The following ASAH1 variants were observed in gnomAD, a reference collection of about 807,000 sequenced individuals.
The protein encoded by ASAH1 is acid ceramidase.
Under a neutral mutation model 59.5 loss-of-function variants are expected in ASAH1, and 70 were observed. The ratio of observed to expected loss-of-function variants is 1.18; its 90% confidence interval spans 0.97 to 1.43. ASAH1 has a LOEUF of 1.43. Among genes scored for constraint, ASAH1 ranks in the 40% most tolerant of loss-of-function variants. The pLI is 0.00. For missense variants in ASAH1, 660 were observed against 482.5 expected (o/e 1.37, Z -3.45); for synonymous variants, 213 against 166.5 (o/e 1.28, Z -2.15).
intron 1 of ASAH1, among the ~76,000 whole-genome samples, chr8:18,083,605 A>C (rs148845238): frequency 1.2e-3 from 188 of 152,360 alleles, no homozygotes; most frequent in African/African-American, 4.2e-3. Context: ...ACCATCAGGC[A>C]GTCTGTCCTT....
chr8:18,057,868 G>T (rs781454461), intron 13 of ASAH1: 40 of 178,460 alleles, frequency 2.2e-4, no homozygotes, highest in Non-Finnish European at 3.9e-4. Flanking sequence ...CACTGTTTCA[G>T]GTAATGAATA....
intron 8 of ASAH1, 73 bp from the exon 9 acceptor site, chr8:18,061,813 T>A: frequency 7.3e-7 from 1 of 1,369,912 alleles, no homozygotes; most frequent in Non-Finnish European, 1.0e-6. Context: ...TCACTGTACT[T>A]CAGAGTGGGA....
chr8:18,084,138 C>G, upstream of ASAH1: 1 of 1,575,084 alleles, frequency 6.3e-7, no homozygotes, highest in Non-Finnish European at 8.6e-7. Flanking sequence ...GGCCACGCCC[C>G]CTCCGCCGCG....
intron 1 of ASAH1, 88 bp downstream of exon 1, chr8:18,083,893 T>C (rs975724110): frequency 7.0e-5 from 108 of 1,538,008 alleles, no homozygotes; most frequent in Non-Finnish European, 9.1e-5. Flanking sequence ...GAGGTGTTCC[T>C]TGTACCCGCT....
intron 2 of ASAH1, among the ~76,000 whole-genome samples, chr8:18,074,690 A>G (rs1045661518): frequency 1.3e-5 from 2 of 152,164 alleles, no homozygotes; most frequent in Non-Finnish European, 2.9e-5. Flanking sequence ...CCATTTAAAC[A>G]CTGAGGATTT....
In ASAH1 at chr8:18,057,398, C is replaced by A. The variant is rs116919200; in HGVS notation, c.*136G>T. 3 of 593,452 alleles carry A rather than the reference C, an allele frequency of 5.1e-6. No homozygotes were observed. Among genetic ancestry groups the A allele is most frequent in the Non-Finnish European group, 9.4e-6 (3 of 320,812 alleles). 36.8% of individuals were successfully genotyped at this position (593,452 alleles called of 1,614,324 possible). A position where few individuals can be genotyped will look rare whatever the true frequency, so the allele number is the denominator to read the frequency against. On this transcript the variant is annotated 3_prime_UTR_variant, in exon 14 of 14. Coordinates refer to ENST00000637790, the MANE Select transcript of ASAH1 (RefSeq NM_177924.5). ...GATCTGTCATTTGTCAACAGATGGA[C>A]GAAGACAAGCTATTGACTCAAAGAG...
At chr8:18,082,601 A>G (rs922133502) in intron 1 of ASAH1, 3 of 152,168 alleles carry the variant, frequency 2.0e-5, no homozygotes. Context: ...CTCAGTCAGA[A>G]TTGCCCCACC....
chr8:18,062,718 CATAAA>C (rs373807160), intron 7 of ASAH1: 1 of 435,286 alleles, frequency 2.3e-6, no homozygotes, highest in Admixed American at 3.6e-5. Context: ...AAGATGGACA[CATAAA>C]ATAGAAGAGC....
chr8:18,076,584 G>C lies in ASAH1; in HGVS notation c.79-997C>G, dbSNP rs1250784174. ...TCCTTTCCTCTGGAGAACCAGTTCT[G>C]TGAAAGTAAAATAATTGTTTTAAAA... On this transcript the variant is annotated intron_variant, in intron 1 of 13. Transcript: ENST00000637790. 2.0e-5 allele frequency: 3 copies of C among 152,194 alleles called. No individual in the cohort carries two copies. The East Asian group carries it at 5.8e-4, about 29-fold the overall frequency. 9.4% of individuals were successfully genotyped at this position (152,194 alleles called of 1,614,324 possible).
intron 2 of ASAH1, 45 bp from the exon 3 acceptor site, chr8:18,071,435 T>G: frequency 8.1e-7 from 1 of 1,231,696 alleles, no homozygotes; most frequent in East Asian, 2.4e-5. Context: ...AAGGGTTTTT[T>G]GTGAGGGTCA....
At chr8:18,064,206 G>A (rs1799832575) in intron 6 of ASAH1, 1 of 580,960 alleles carries the variant, frequency 1.7e-6, no homozygotes, top group South Asian at 2.3e-5. Flanking sequence ...AGAGAAGAAT[G>A]TTTCTAGCCC....
intron 9 of ASAH1, 43 bp from the exon 10 acceptor site, chr8:18,061,501 A>G: frequency 6.5e-7 from 1 of 1,545,170 alleles, no homozygotes; most frequent in Non-Finnish European, 9.0e-7. Context: ...AAGAGGTGAC[A>G]CTATGTAACC....
At chr8:18,064,398 A>C in intron 6 of ASAH1, 59 bp downstream of exon 6, 2 of 1,288,268 alleles carry the variant, frequency 1.6e-6, no homozygotes, top group Non-Finnish European at 2.2e-6. Flanking sequence ...AATTTCATTT[A>C]GAAGATTTTT....
In ASAH1 at chr8:18,084,004, C is replaced by T. The variant is rs1800778729; in HGVS notation, c.55G>A (p.Ala19Thr). ...ACCGGCGGCGCGTGCTGCGCGACGG[C>T]ACAGCTGACGGCGGCAGCCAGGAGG... ...LVLLAAAVSC[A>T]VAQHAPPWTE... Residue 19 changes from alanine to threonine, a missense_variant, in exon 1 of 14, where the codon GCC becomes ACC. Physicochemically the swap from Ala to Thr is moderately conservative, Grantham distance 58 (BLOSUM62 0). Transcript: ENST00000637790. 2 of 1,598,296 alleles carry T rather than the reference C, an allele frequency of 1.3e-6. No homozygotes were observed. The highest frequency in any genetic ancestry group is 1.7e-6 in the Non-Finnish European group (2 of 1,179,540).
At chr8:18,084,497 G>C (rs1800814471), upstream of ASAH1, 1 of 1,326,354 alleles carries the variant, frequency 7.5e-7, no homozygotes. Flanking sequence ...CGGATCCAAA[G>C]AGTCTCAACA....
intron 12 of ASAH1, chr8:18,059,104 G>T: frequency 1.4e-6 from 1 of 704,936 alleles, no homozygotes; most frequent in African/African-American, 1.8e-5. Context: ...TTAAATTCTT[G>T]CCTGTTTGTT....
chr8:18,078,386 T>A (rs1228088437), intron 1 of ASAH1, among the ~76,000 whole-genome samples: 1 of 152,142 alleles, frequency 6.6e-6, no homozygotes, highest in Non-Finnish European at 1.5e-5. Flanking sequence ...CGACTCTTGG[T>A]AGCAATAAAC....
At chr8:18,084,952 G>A, upstream of ASAH1, 2 of 1,166,130 alleles carry the variant, frequency 1.7e-6, no homozygotes, top group Admixed American at 2.0e-5. Context: ...AGGTGACCGG[G>A]TTGGATTTCA....
rs944986919 is a variant in ASAH1, at chr8:18,062,047, C to A, written c.648+232G>T. ...TAGAAATCAGATTGTGACTCCCAGCCCTTGACACCCAGCCACATGCTCTTT... is the reference window on the plus strand; with the variant it reads ...TAGAAATCAGATTGTGACTCCCAGCACTTGACACCCAGCCACATGCTCTTT... On this transcript the variant is annotated intron_variant, in intron 8 of 13. Transcript: ENST00000637790. 1.4e-5 allele frequency: 9 copies of A among 637,016 alleles called. No individual in the cohort carries two copies. The African/African-American group carries it at 1.7e-4, about 12-fold the overall frequency. 39.5% of individuals were successfully genotyped at this position (637,016 alleles called of 1,614,324 possible).
Sources: allele counts gnomAD v4.1 joint callset (sites outside exome capture counted in the v4.1 genomes callset), GRCh38; gene constraint gnomAD v4.1.1; transcripts MANE v1.5; gene names NCBI Gene and HGNC (gene_info 2026-07-23, HGNC 2026-07-21).